Variants in SLC12A2 observed in about 807,000 individuals in gnomAD.
The protein encoded by SLC12A2 is solute carrier family 12 member 2.
Under a neutral mutation model 136.3 loss-of-function variants are expected in SLC12A2, and 67 were observed. The ratio of observed to expected loss-of-function variants is 0.49; its 90% confidence interval spans 0.40 to 0.60. The LOEUF is 0.60. Among genes scored for constraint, SLC12A2 ranks in the 20% least tolerant of loss-of-function variants. The probability of loss-of-function intolerance (pLI) is 0.00; values close to 1 mark genes in which losing one functional copy is unlikely to be tolerated. For synonymous variants in SLC12A2, 619 were observed against 562.9 expected, an observed-to-expected ratio of 1.10 and a Z score of -1.41; for missense variants, 1,322 against 1,534.7, an observed-to-expected ratio of 0.86 and a Z score of 2.32.
At position 128,130,656 on chromosome 5, in the gene SLC12A2, T is replaced by C. The variant is rs189091158; in HGVS notation, c.1049-411T>C. On this transcript the variant is annotated intron_variant, in intron 4 of 26. Transcript: ENST00000262461. ...AAGATTGCACCACTGCACTTCAGCG[T>C]GGGCGACAGTGAAACTGTTTCTGAA... 6.6e-5 allele frequency among the ~76,000 whole-genome samples: 10 copies of C among 151,928 alleles called. No homozygotes were observed. The East Asian group carries it at 1.9e-3, about 29-fold the overall frequency.
intron 1 of SLC12A2, among the ~76,000 whole-genome samples, chr5:128,093,097 G>A (rs7713860): frequency 1.3e-5 from 2 of 151,854 alleles, no homozygotes; most frequent in Non-Finnish European, 2.9e-5. Context: ...AGTCACAAGT[G>A]ATCTCCATTC....
At chr5:128,120,062 A>C (rs1415102721) in intron 4 of SLC12A2, among the ~76,000 whole-genome samples, 1 of 152,068 alleles carries the variant, frequency 6.6e-6, no homozygotes, top group African/African-American at 2.4e-5. Context: ...ATGAACAGAC[A>C]CTTCTCAAAA....
In SLC12A2 at chr5:128,180,094, C is replaced by CGAGTA. The variant is rs1561707477; in HGVS notation, c.3101-787_3101-783dup. 4.7e-5 allele frequency among the ~76,000 whole-genome samples: 7 copies of CGAGTA among 150,322 alleles called. No homozygotes were observed. The South Asian group carries it at 1.5e-3, about 32-fold the overall frequency. ...ACACCATTCTCCTGCCTCAGCCTCC[C>CGAGTA]GAGTAGCTGGGACTACAGGCACCTG... On this transcript the variant is annotated intron_variant, in intron 22 of 26. Coordinates refer to ENST00000262461, the MANE Select transcript of SLC12A2 (RefSeq NM_001046.3).
At chr5:128,089,340 A>T (rs191373569) in intron 1 of SLC12A2, among the ~76,000 whole-genome samples, 41 of 152,206 alleles carry the variant, frequency 2.7e-4, no homozygotes, top group Admixed American at 2.7e-3. Context: ...GTGCACTGTG[A>T]TTATGCCTGT....
chr5:128,170,858 G>C (rs898234529), intron 18 of SLC12A2: 1 of 152,112 alleles, frequency 6.6e-6, no homozygotes, highest in Non-Finnish European at 1.5e-5. Flanking sequence ...AGCACTTTGG[G>C]AAGACAAGGC....
chr5:128,084,169 T>A lies in SLC12A2; in HGVS notation c.215T>A (p.Leu72Ter). The A allele has an allele frequency of 7.7e-7, 1 of 1,296,766 alleles. No homozygotes were observed. Among genetic ancestry groups the A allele is most frequent in the Non-Finnish European group, 9.7e-7 (1 of 1,030,526 alleles). The allele number at this position is 1,296,766 out of a possible 1,614,324, so 80.3% of individuals were successfully genotyped here. ...AAAGDGLGRP[L>*]GPTPSQSRFQ... is the part of the protein sequence containing the mutation. Reference sequence around the variant, plus strand: ...GCCGGGGACGGGCTGGGCAGACCCTTGGGGCCCACCCCGAGCCAGAGCCGT... The same window carrying A: ...GCCGGGGACGGGCTGGGCAGACCCTAGGGGCCCACCCCGAGCCAGAGCCGT... The change falls in exon 1 of 27, where the codon TTG becomes TAG. Residue 72 changes from leucine (L) to a stop codon, truncating the protein, a stop_gained. Transcript: ENST00000262461. LOFTEE classifies it high-confidence loss of function. The surrounding 1 kb of genome is among the most constrained non-coding windows in gnomAD (Gnocchi z 5.6).
intron 3 of SLC12A2, 40 bp from the exon 4 acceptor site, chr5:128,114,544 CAA>C: frequency 1.5e-6 from 2 of 1,341,864 alleles, no homozygotes; most frequent in Non-Finnish European, 2.1e-6. Context: ...TGAGCTTAAA[CAA>C]GAGTGTAAGT....
chr5:128,140,199 A>G (rs918877705), intron 9 of SLC12A2, among the ~76,000 whole-genome samples: 5 of 152,156 alleles, frequency 3.3e-5, no homozygotes, highest in East Asian at 1.9e-4. Context: ...GGGTTTTGCC[A>G]TGTTGGCCAG....
rs147810600 is a variant in SLC12A2 at position 128,125,649 on chromosome 5, G to T, written c.1049-5418G>T. 7.9e-5 allele frequency among the ~76,000 whole-genome samples: 12 copies of T among 152,078 alleles called. No homozygotes were observed. The South Asian group carries it at 2.5e-3, about 32-fold the overall frequency. ...TAATCATGTCTTTCAGTGAAGAGAC[G>T]TTTACCATTTTGATGAAGTCCGGTT... On this transcript the variant is annotated intron_variant, in intron 4 of 26. Transcript: ENST00000262461.
intron 4 of SLC12A2, among the ~76,000 whole-genome samples, chr5:128,129,111 A>G (rs538796743): frequency 6.6e-6 from 1 of 152,196 alleles, no homozygotes. Context: ...TTCTGATTCT[A>G]AAGTTTGTAT....
At chr5:128,176,820 G>T (rs1479442711) in intron 20 of SLC12A2, among the ~76,000 whole-genome samples, 5 of 152,004 alleles carry the variant, frequency 3.3e-5, no homozygotes, top group Admixed American at 3.3e-4. Flanking sequence ...TTTCAAGTAT[G>T]AAAGTGTAAA....
intron 4 of SLC12A2, among the ~76,000 whole-genome samples, chr5:128,125,249 A>G (rs373730103): frequency 2.0e-5 from 3 of 152,202 alleles, no homozygotes; most frequent in African/African-American, 7.2e-5. Context: ...CTGTTCACCT[A>G]TGGCTTAAAG....
rs200207186 is a variant in SLC12A2 at position 128,141,845 on chromosome 5, G to A, written c.1637G>A (p.Arg546Gln). The A allele has an allele frequency of 6.2e-7, 1 of 1,612,618 alleles. No homozygotes were observed. Among genetic ancestry groups the A allele is most frequent in the Non-Finnish European group, 8.5e-7 (1 of 1,179,212 alleles). The change falls in exon 10 of 27, where the codon CGA (arginine) becomes CAA (glutamine). Residue 546 changes from arginine (R) to glutamine (Q), a missense_variant. Transcript: ENST00000262461. Reference sequence around the variant, plus strand: ...TGTGCTTTAGGTTCTTGTGTTGTTCGAGATGCCACTGGAAACGTTAATGAC... The same window carrying A: ...TGTGCTTTAGGTTCTTGTGTTGTTCAAGATGCCACTGGAAACGTTAATGAC... ...IAVSVGSCVVRDATGNVNDTI... is the reference protein window; with the variant it reads ...IAVSVGSCVVQDATGNVNDTI...
chr5:128,121,331 G>GT (rs936320474), intron 4 of SLC12A2, among the ~76,000 whole-genome samples: 35 of 150,038 alleles, frequency 2.3e-4, no homozygotes, highest in East Asian at 3.9e-4. Context: ...TTTTATTACC[G>GT]TTTTTTTTTG....
At chr5:128,154,625 T>C (rs999767381) in intron 15 of SLC12A2, among the ~76,000 whole-genome samples, 4 of 152,146 alleles carry the variant, frequency 2.6e-5, no homozygotes, top group South Asian at 2.1e-4. Flanking sequence ...AGTAGTCCCC[T>C]GTTATCCACA....
At chr5:128,146,813 C>T (rs1282576983) in intron 10 of SLC12A2, among the ~76,000 whole-genome samples, 2 of 151,590 alleles carry the variant, frequency 1.3e-5, no homozygotes, top group Non-Finnish European at 3.0e-5. Flanking sequence ...TAAGAAACAG[C>T]CTTCCTAATA....
intron 4 of SLC12A2, among the ~76,000 whole-genome samples, chr5:128,129,076 C>T (rs1310211663): frequency 6.6e-6 from 1 of 151,992 alleles, no homozygotes; most frequent in Non-Finnish European, 1.5e-5. Flanking sequence ...GAATTTCTTG[C>T]TTTAATAGGT....
At chr5:128,146,276 A>G (rs1762524170) in intron 10 of SLC12A2, among the ~76,000 whole-genome samples, 1 of 151,838 alleles carries the variant, frequency 6.6e-6, no homozygotes. Context: ...TTAAATATAC[A>G]TCCTATGTTC....
intron 23 of SLC12A2, among the ~76,000 whole-genome samples, chr5:128,181,920 T>G (rs1763719148): frequency 6.6e-6 from 1 of 151,962 alleles, no homozygotes; most frequent in Non-Finnish European, 1.5e-5. Flanking sequence ...ATAGTGCCTT[T>G]CCTATTTTCC....
Sources: allele counts gnomAD v4.1 joint callset (sites outside exome capture counted in the v4.1 genomes callset), GRCh38; gene constraint gnomAD v4.1.1; non-coding constraint Gnocchi (gnomAD v3.1); transcripts MANE v1.5; gene names NCBI Gene and HGNC (gene_info 2026-07-23, HGNC 2026-07-21).